NAA25: variants seen among roughly 807,000 people sequenced by gnomAD.
NAA25 encodes the protein N-alpha-acetyltransferase 25, NatB auxiliary subunit, also known as N-terminal acetyltransferase B complex subunit NAA25.
Under a neutral mutation model 132.5 loss-of-function variants are expected in NAA25, and 30 were observed. The ratio of observed to expected loss-of-function variants is 0.23; its 90% CI spans 0.17 to 0.31. NAA25 has a LOEUF of 0.31. NAA25 is among the 10% of genes least tolerant of loss of function. The probability of loss-of-function intolerance (pLI) is 1.00; values close to 1 mark genes in which losing one functional copy is unlikely to be tolerated. For synonymous variants in NAA25, 359 were observed against 401.9 expected (o/e 0.89, Z 1.28); for missense variants, 771 against 1,150.4 (o/e 0.67, Z 4.77).
intron 13 of NAA25, among the ~76,000 whole-genome samples, chr12:112,055,691 G>T (rs1792077331): frequency 6.6e-6 from 1 of 150,708 alleles, no homozygotes; most frequent in African/African-American, 2.4e-5. Context: ...TGGCAGCAGA[G>T]TGCAACTTTG....
At position 112,029,428 on chromosome 12, in the gene NAA25, G is replaced by A; in HGVS notation, c.*103C>T. ...CAAAGTCCTTCATGCATTTTATGAG[G>A]AAGTTCTGGATTAAAATCATGGTCA... is the stretch of plus-strand genomic sequence containing the variant. On this transcript the variant is annotated 3_prime_UTR_variant, in exon 24 of 24. Transcript: ENST00000261745. 3.9e-6 allele frequency: 6 copies of A among 1,553,318 alleles called. No homozygotes were observed. Among genetic ancestry groups the A allele is most frequent in the Non-Finnish European group, 5.2e-6 (6 of 1,148,290 alleles).
rs2078816659 is a variant in NAA25, at chr12:112,071,971, G to A, written c.960C>T (p.Leu320=). The stretch of plus-strand genomic sequence containing the variant: ...CCAATTTAGCTAGATGTGGTCCTCG[G>A]AGATGGCGAGAACTTTTAGATTCTT... The part of the protein sequence containing the change: ...ITEESKSSRH[L]RGPHLAKLEL... Residue 320 remains leucine (L), a synonymous_variant, in exon 10 of 24, where the codon CTC becomes CTT. Transcript: ENST00000261745. 1 of 1,614,062 alleles carries A rather than the reference G, an allele frequency of 6.2e-7. No individual in the cohort carries two copies. The highest frequency in any genetic ancestry group is 1.6e-4 in the Middle Eastern group (1 of 6,062).
At chr12:112,108,615 G>T (rs879551225) in intron 1 of NAA25, 101 bp downstream of exon 1, 2 of 1,189,436 alleles carry the variant, frequency 1.7e-6, no homozygotes, top group East Asian at 3.5e-5. Context: ...GCGCCTGCCC[G>T]GCCCGCGCGC....
chr12:112,038,733 ACT>A (rs2078261317), intron 22 of NAA25, among the ~76,000 whole-genome samples: 1 of 152,162 alleles, frequency 6.6e-6, no homozygotes, highest in Non-Finnish European at 1.5e-5. Flanking sequence ...TAATCTCAGC[ACT>A]TTGGGAGGCC....
chr12:112,042,093 C>A lies in NAA25; in HGVS notation c.2386G>T (p.Glu796Ter). 6.8e-7 allele frequency: 1 copy of A among 1,466,956 alleles called. No individual in the cohort carries two copies. Among genetic ancestry groups the A allele is most frequent in the South Asian group, 1.4e-5 (1 of 72,092 alleles). 90.9% of individuals were successfully genotyped at this position (1,466,956 alleles called of 1,614,324 possible). Residue 796 changes from glutamate (E) to a stop codon, truncating the protein, a stop_gained, in exon 20 of 24, where the codon GAG (glutamate) becomes TAG (stop). Coordinates refer to ENST00000261745, the MANE Select transcript of NAA25 (RefSeq NM_024953.4). LOFTEE classifies it high-confidence loss of function. ...LDTSGLEDTM[E>*]IQERIENSFK... is the part of the protein sequence containing the mutation. ...CTATTTTCTATTCGTTCCTGAATCT[C>A]CATTGTATCCTCTAAAATTGAAAAA...
At chr12:112,103,742 G>A (rs931387160) in intron 1 of NAA25, among the ~76,000 whole-genome samples, 4 of 152,136 alleles carry the variant, frequency 2.6e-5, no homozygotes, top group African/African-American at 9.7e-5. Flanking sequence ...ACTAGGGACC[G>A]ATTTCATGAA....
chr12:112,036,577 G>A (rs779680557), intron 22 of NAA25, among the ~76,000 whole-genome samples: 1 of 152,106 alleles, frequency 6.6e-6, no homozygotes, highest in Non-Finnish European at 1.5e-5. Context: ...GGCCAGGCAT[G>A]GTGACTCATG....
chr12:112,076,067 G>T (rs1057426674), intron 7 of NAA25, among the ~76,000 whole-genome samples: 10 of 151,810 alleles, frequency 6.6e-5, no homozygotes, highest in Admixed American at 5.9e-4. Flanking sequence ...ATTTTTAGTA[G>T]AGACAGGATT....
At chr12:112,058,446 A>C (rs906789593) in intron 13 of NAA25, among the ~76,000 whole-genome samples, 1 of 152,196 alleles carries the variant, frequency 6.6e-6, no homozygotes, top group African/African-American at 2.4e-5. Flanking sequence ...CTATCCCAAA[A>C]CACTTGACTT....
At position 112,043,793 on chromosome 12, in the gene NAA25, C is replaced by T; in HGVS notation, c.2082G>A (p.Leu694=). ...GACTTGGAAGTCCACTTATCAGCCT[C>T]AATGTTAAGGATCGGATTCTTAACC... The part of the protein sequence containing the change: ...TLWLRIRSLT[L]RLISGLPSLN... Residue 694 remains leucine (L), a synonymous_variant, in exon 18 of 24, where the codon TTG becomes TTA. Transcript: ENST00000261745. 1 of 1,614,148 alleles carries T rather than the reference C, an allele frequency of 6.2e-7. No individual in the cohort carries two copies. Among genetic ancestry groups the T allele is most frequent in the East Asian group, 2.2e-5 (1 of 44,890 alleles).
At chr12:112,086,239 T>C (rs1446814211) in intron 4 of NAA25, among the ~76,000 whole-genome samples, 4 of 151,406 alleles carry the variant, frequency 2.6e-5, no homozygotes, top group African/African-American at 9.7e-5. Context: ...CTCACATCTG[T>C]AATCCCAGCA....
intron 10 of NAA25, among the ~76,000 whole-genome samples, chr12:112,070,892 G>A (rs1014452201): frequency 3.3e-5 from 5 of 152,194 alleles, no homozygotes; most frequent in South Asian, 4.1e-4. Context: ...AACTACAGGC[G>A]TGTGCCACCA....
chr12:112,072,078 C>A lies in NAA25; in HGVS notation c.867-14G>T, dbSNP rs752926414. On this transcript the variant is annotated splice_polypyrimidine_tract_variant and intron_variant, in intron 9 of 23. Coordinates refer to ENST00000261745, the MANE Select transcript of NAA25 (RefSeq NM_024953.4). ...CCTTCTAAAGAGCTGAGGAAAAGCACATGAAAAAGGAATTTTATTGCCTCT... is the reference window on the plus strand; with the variant it reads ...CCTTCTAAAGAGCTGAGGAAAAGCAAATGAAAAAGGAATTTTATTGCCTCT... The A allele has an allele frequency of 1.3e-6, 2 of 1,536,270 alleles. No individual in the cohort carries two copies. The highest frequency in any genetic ancestry group is 2.3e-5 in the South Asian group (2 of 88,368).
intron 1 of NAA25, among the ~76,000 whole-genome samples, chr12:112,105,010 CCTT>C (rs1349954229): frequency 6.6e-6 from 1 of 150,826 alleles, no homozygotes; most frequent in Non-Finnish European, 1.5e-5. Flanking sequence ...GAGCAAGACT[CCTT>C]CTTAAAAAAA....
At chr12:112,095,599 A>G (rs1424177419) in intron 1 of NAA25, among the ~76,000 whole-genome samples, 2 of 151,570 alleles carry the variant, frequency 1.3e-5, no homozygotes, top group Non-Finnish European at 2.9e-5. Flanking sequence ...TGTCTCAAAA[A>G]AAAAACAAAA....
At chr12:112,091,381 T>C (rs1001196766) in intron 2 of NAA25, among the ~76,000 whole-genome samples, 2 of 151,858 alleles carry the variant, frequency 1.3e-5, no homozygotes, top group Non-Finnish European at 2.9e-5. Context: ...ACCTCATCTC[T>C]AGAAAAAATT....
At chr12:112,044,994 A>G (rs1382983273) in intron 17 of NAA25, among the ~76,000 whole-genome samples, 5 of 151,896 alleles carry the variant, frequency 3.3e-5, no homozygotes, top group African/African-American at 1.2e-4. Context: ...TCAAGGCTGC[A>G]GTGAGATATG....
In NAA25 at chr12:112,071,817, T is replaced by C. The variant is rs1020886648; in HGVS notation, c.1036+78A>G. On this transcript the variant is annotated intron_variant, in intron 10 of 23. Transcript: ENST00000261745. ...GCTTCCCAAACATGACTCTGTCCAG[T>C]GTAGATCTCAACTAATGAATATAGC... 5 of 1,151,964 alleles carry C rather than the reference T, an allele frequency of 4.3e-6. No homozygotes were observed. In the African/African-American group the frequency reaches 4.7e-5, roughly 11 times the overall value. 71.4% of individuals were successfully genotyped at this position (1,151,964 alleles called of 1,614,324 possible). A position where few individuals can be genotyped will look rare whatever the true frequency, so the allele number is the denominator to read the frequency against.
chr12:112,081,203 C>A (rs1003230079), intron 4 of NAA25, 69 bp from the exon 5 acceptor site: 11 of 1,315,512 alleles, frequency 8.4e-6, no homozygotes, highest in Middle Eastern at 1.9e-4. Flanking sequence ...TCTAGATACA[C>A]GACAAAAAGT....
Sources: gnomAD v4.1 joint callset for allele counts (sites outside exome capture counted in the v4.1 genomes callset) on GRCh38, gnomAD v4.1.1 for gene constraint, MANE v1.5 for transcripts, NCBI Gene and HGNC (gene_info 2026-07-23, HGNC 2026-07-21) for gene names.